Variants in PIN4 observed in about 807,000 individuals in gnomAD.
PIN4 encodes peptidylprolyl cis/trans isomerase, NIMA-interacting 4.
A neutral mutation model predicts 8.3 loss-of-function variants in PIN4; 3 were observed. The observed-to-expected ratio is 0.36, with a 90% CI of 0.16 to 0.93. PIN4 has a LOEUF of 0.93. PIN4 is among the 40% of genes least tolerant of loss of function. The pLI, the probability that PIN4 is intolerant of heterozygous loss-of-function variation, is 0.44. For synonymous variants in PIN4, 18 were observed against 32.5 expected (o/e 0.55, Z 1.52); for missense variants, 75 against 100.6 (o/e 0.75, Z 1.09).
chrX:72,185,496 G>A (rs1010523696), intron 1 of PIN4, among the ~76,000 whole-genome samples: 1 of 111,842 alleles, frequency 8.9e-6, no homozygotes, highest in African/African-American at 3.3e-5. Context: ...GAAATGATCC[G>A]TCTTCCTCAC....
At chrX:72,208,110 C>T in intron 3 of PIN4, 4 of 1,211,665 alleles carry the variant, frequency 3.3e-6, no homozygotes, top group Non-Finnish European at 4.5e-6. Flanking sequence ...CCCACACAAA[C>T]TCTTGGCCCC....
At chrX:72,229,089 C>A (rs944035682) in intron 3 of PIN4, among the ~76,000 whole-genome samples, 1 of 111,534 alleles carries the variant, frequency 9.0e-6, no homozygotes, top group African/African-American at 3.3e-5. Context: ...CAACTCCCTG[C>A]AACGCCTCAA....
At chrX:72,226,868 A>T (rs1485134648) in intron 3 of PIN4, among the ~76,000 whole-genome samples, 1 of 111,870 alleles carries the variant, frequency 8.9e-6, no homozygotes. Context: ...GCTCTTTTAT[A>T]GGACATTCAC....
chrX:72,220,598 C>G (rs1011873799), intron 3 of PIN4, among the ~76,000 whole-genome samples: 2 of 110,356 alleles, frequency 1.8e-5, no homozygotes, highest in African/African-American at 6.6e-5. Flanking sequence ...CAGGAGGATG[C>G]CAGCCTTGAG....
Position 72,197,776 on chromosome X carries a change from AC to A in PIN4, c.*252del. On this transcript the variant is annotated 3_prime_UTR_variant, in exon 4 of 4. Coordinates refer to ENST00000373669, the MANE Select transcript of PIN4 (RefSeq NM_006223.4). Reference sequence around the variant, plus strand: ...AGAGAAGTCAAGCAGACTCCCTTTAACCTGTATTCTCTTTCCTCCCAGAACT... The same window carrying A: ...AGAGAAGTCAAGCAGACTCCCTTTAACTGTATTCTCTTTCCTCCCAGAACT... 1 of 863,176 alleles carries A rather than the reference AC, an allele frequency of 1.2e-6. No homozygotes were observed. The highest frequency in any genetic ancestry group is 5.0e-5 in the South Asian group (1 of 20,185). The allele number at this position is 863,176 out of a possible 1,213,427, so 71.1% of individuals were successfully genotyped here.
chrX:72,198,256 A>T lies in PIN4; in HGVS notation c.*730A>T. ...TGCATCTAAATTTTTAAAATTTAAA[A>T]TGCCATATTTATGACATATAAAAAA... On this transcript the variant is annotated 3_prime_UTR_variant, in exon 4 of 4. Coordinates refer to ENST00000373669, the MANE Select transcript of PIN4 (RefSeq NM_006223.4). 1 of 726,708 alleles carries T rather than the reference A, an allele frequency of 1.4e-6. No homozygotes were observed. Among genetic ancestry groups the T allele is most frequent in the African/African-American group, 2.3e-5 (1 of 43,469 alleles). The allele number at this position is 726,708 out of a possible 1,213,427, so 59.9% of individuals were successfully genotyped here.
At chrX:72,257,799 T>A (rs1181766584) in intron 3 of PIN4, among the ~76,000 whole-genome samples, 1 of 111,670 alleles carries the variant, frequency 9.0e-6, no homozygotes, top group Non-Finnish European at 1.9e-5. Context: ...TTTCTGAACC[T>A]GAGATTCCTC....
In PIN4 at chrX:72,190,728, G is replaced by A. The variant is rs762664707; in HGVS notation, c.117+4194G>A. ...GGCACTTTGGGAGGCCAAGGCTTGC[G>A]GATCACCTGAGGTCAAGAGTCCAAG... On this transcript the variant is annotated intron_variant, in intron 2 of 3. Coordinates refer to ENST00000373669, the MANE Select transcript of PIN4 (RefSeq NM_006223.4). 1.6e-4 allele frequency among the ~76,000 whole-genome samples: 18 copies of A among 110,532 alleles called. 1 individual carries two copies. Among genetic ancestry groups the A allele is most frequent in the Middle Eastern group, 4.7e-3 (1 of 215 alleles).
intron 3 of PIN4, among the ~76,000 whole-genome samples, chrX:72,211,085 C>T (rs1456345813): frequency 3.6e-5 from 4 of 111,993 alleles, no homozygotes. Flanking sequence ...AGCCACTTAA[C>T]TTCTAATCAC....
chrX:72,212,885 T>C (rs1032291582), intron 3 of PIN4, among the ~76,000 whole-genome samples: 5 of 111,529 alleles, frequency 4.5e-5, no homozygotes, highest in East Asian at 2.8e-4. Flanking sequence ...AGGGGTTGCA[T>C]TGAGCTATGA....
At chrX:72,211,726 G>C (rs996578308) in intron 3 of PIN4, among the ~76,000 whole-genome samples, 2 of 110,530 alleles carry the variant, frequency 1.8e-5, no homozygotes, top group African/African-American at 6.6e-5. Context: ...CTAGGCTGCA[G>C]TGAGCCATGA....
chrX:72,239,574 C>G (rs1037052432), intron 3 of PIN4, among the ~76,000 whole-genome samples: 4 of 110,896 alleles, frequency 3.6e-5, no homozygotes, highest in Admixed American at 9.6e-5. Context: ...AGTTCGAGAC[C>G]AACCTGGCTA....
chrX:72,216,874 C>T (rs1391180599), intron 3 of PIN4, among the ~76,000 whole-genome samples: 1 of 111,710 alleles, frequency 9.0e-6, no homozygotes, highest in Non-Finnish European at 1.9e-5. Context: ...AATTAACTGT[C>T]CCTGGAGAAT....
chrX:72,205,632 T>C (rs897001656), intron 3 of PIN4: 1 of 1,212,083 alleles, frequency 8.3e-7, no homozygotes, highest in Non-Finnish European at 1.1e-6. Flanking sequence ...ATGTGTTGAA[T>C]GGATTTATGC....
At chrX:72,229,520 G>A (rs982501698) in intron 3 of PIN4, among the ~76,000 whole-genome samples, 9 of 111,587 alleles carry the variant, frequency 8.1e-5, no homozygotes, top group Non-Finnish European at 1.5e-4. Flanking sequence ...ATGAACCACA[G>A]GAAAGAAAAA....
At chrX:72,259,215 CTTT>C (rs3038606) in intron 3 of PIN4, among the ~76,000 whole-genome samples, 5,713 of 90,504 alleles carry the variant, frequency 0.063, 372 homozygotes, top group East Asian at 0.43. Flanking sequence ...GAGTTTACTA[CTTT>C]TTTTTTTTTT....
At chrX:72,247,212 G>A (rs1216629557) in intron 3 of PIN4, among the ~76,000 whole-genome samples, 3 of 111,788 alleles carry the variant, frequency 2.7e-5, no homozygotes, top group Non-Finnish European at 3.8e-5. Context: ...TTTTATACCT[G>A]CCTCCAGATG....
chrX:72,232,887 G>A (rs1316557371), intron 3 of PIN4, among the ~76,000 whole-genome samples: 1 of 110,663 alleles, frequency 9.0e-6, no homozygotes, highest in East Asian at 2.8e-4. Context: ...TGGATCGCTT[G>A]AGACTAGGAG....
intron 3 of PIN4, among the ~76,000 whole-genome samples, chrX:72,204,369 TG>T (rs1436263517): frequency 1.8e-5 from 2 of 112,527 alleles, no homozygotes; most frequent in African/African-American, 6.5e-5. Flanking sequence ...AATCTGGGCC[TG>T]TGTGGAAAGG....
Sources: allele counts gnomAD v4.1 joint callset (sites outside exome capture counted in the v4.1 genomes callset), GRCh38; gene constraint gnomAD v4.1.1; transcripts MANE v1.5; gene names NCBI Gene and HGNC (gene_info 2026-07-23, HGNC 2026-07-21).